ADCY8: variants seen among roughly 807,000 people sequenced by gnomAD.
ADCY8 encodes adenylate cyclase 8, also known as adenylate cyclase type 8.
ADCY8 carries 51 observed loss-of-function variants against 119.7 expected under a neutral mutation model. The observed-to-expected ratio is 0.43, with a 90% CI of 0.34 to 0.54. ADCY8 has a LOEUF of 0.54. Ranked by LOEUF, ADCY8 falls within the 20% of genes least tolerant of loss-of-function variation. The pLI, the probability that ADCY8 is intolerant of heterozygous loss-of-function variation, is 0.03. For synonymous variants in ADCY8, 665 were observed against 651.0 expected (o/e 1.02, Z -0.33); for missense variants, 1,383 against 1,598.8 (o/e 0.87, Z 2.30).
chr8:130,909,210 T>G (rs1214674303), intron 6 of ADCY8, among the ~76,000 whole-genome samples: 1 of 152,230 alleles, frequency 6.6e-6, no homozygotes, highest in Non-Finnish European at 1.5e-5. Flanking sequence ...CACTAGCACC[T>G]TTGGGGATCC....
chr8:130,852,263 T>C (rs1817555897), intron 9 of ADCY8, among the ~76,000 whole-genome samples: 1 of 152,122 alleles, frequency 6.6e-6, no homozygotes, highest in Non-Finnish European at 1.5e-5. Flanking sequence ...GTTTTTTTTG[T>C]TTGTTTTTGA....
chr8:130,890,065 A>G (rs1236260310), intron 7 of ADCY8, among the ~76,000 whole-genome samples: 2 of 152,018 alleles, frequency 1.3e-5, no homozygotes, highest in African/African-American at 2.4e-5. Context: ...CACCTGGTAT[A>G]TCTGCTAGGT....
intron 15 of ADCY8, among the ~76,000 whole-genome samples, chr8:130,788,750 GTATAAT>G (rs1405233545): frequency 1.3e-5 from 2 of 151,784 alleles, no homozygotes; most frequent in South Asian, 2.1e-4. Context: ...TCTATAATAT[GTATAAT>G]TATATTTGTC....
chr8:130,845,587 C>T (rs956844183), intron 11 of ADCY8, among the ~76,000 whole-genome samples: 5 of 152,040 alleles, frequency 3.3e-5, no homozygotes, highest in African/African-American at 1.2e-4. Flanking sequence ...TTCCCTAAGC[C>T]CCTCAAACCA....
intron 15 of ADCY8, among the ~76,000 whole-genome samples, chr8:130,799,983 C>G (rs1815719608): frequency 6.6e-6 from 1 of 152,188 alleles, no homozygotes; most frequent in African/African-American, 2.4e-5. Flanking sequence ...GAGGAAGAAA[C>G]CGCTATCTGT....
chr8:130,986,083 T>C (rs1431542261), intron 2 of ADCY8, among the ~76,000 whole-genome samples: 5 of 152,196 alleles, frequency 3.3e-5, no homozygotes, highest in Non-Finnish European at 5.9e-5. Flanking sequence ...AGCAGAATTA[T>C]GAAAACTACT....
At chr8:130,788,539 G>A (rs1815329220) in intron 15 of ADCY8, among the ~76,000 whole-genome samples, 1 of 152,062 alleles carries the variant, frequency 6.6e-6, no homozygotes, top group African/African-American at 2.4e-5. Flanking sequence ...CAGTTAGATA[G>A]GAGGAATAAG....
At chr8:130,817,576 C>T (rs954968694) in intron 13 of ADCY8, among the ~76,000 whole-genome samples, 5 of 152,158 alleles carry the variant, frequency 3.3e-5, no homozygotes, top group African/African-American at 1.2e-4. Context: ...CAAAAGCCAA[C>T]TTGAATGAAC....
chr8:131,019,819 C>CTG (rs1823598375), intron 1 of ADCY8, among the ~76,000 whole-genome samples: 1 of 124,702 alleles, frequency 8.0e-6, no homozygotes, highest in African/African-American at 3.4e-5. Context: ...CTCTCTCTCT[C>CTG]TCTCTCTCTC....
intron 1 of ADCY8, among the ~76,000 whole-genome samples, chr8:131,007,980 C>A: frequency 6.6e-6 from 1 of 152,172 alleles, no homozygotes; most frequent in South Asian, 2.1e-4. Context: ...ATTAAATTCA[C>A]ATAGTCAGCC....
intron 13 of ADCY8, 40 bp downstream of exon 13, chr8:130,821,302 T>C (rs374458875): frequency 3.2e-5 from 49 of 1,552,276 alleles, no homozygotes; most frequent in Non-Finnish European, 4.2e-5. Context: ...TAACAAGAAA[T>C]GTCAGGTAAC....
Position 131,039,806 on chromosome 8 carries a change from G to A in ADCY8, c.528C>T (p.Gly176=). The change falls in exon 1 of 18, where the codon GGC becomes GGT. Residue 176 remains glycine (G), a synonymous_variant. Coordinates refer to ENST00000286355, the MANE Select transcript of ADCY8 (RefSeq NM_001115.3). ...TCACCACTTCCGATTTGCGCCTTTG[G>A]CCCAAGAAATAGCGCTGGTAGAGGC... The part of the protein sequence containing the change: ...LERLYQRYFL[G]QRRKSEVVMN... 10 of 1,614,206 alleles carry A rather than the reference G, an allele frequency of 6.2e-6. No individual in the cohort carries two copies. The highest frequency in any genetic ancestry group is 8.5e-6 in the Non-Finnish European group (10 of 1,180,038).
intron 12 of ADCY8, among the ~76,000 whole-genome samples, chr8:130,832,478 C>T (rs776318451): frequency 1.2e-4 from 18 of 152,108 alleles, no homozygotes; most frequent in Non-Finnish European, 1.9e-4. Flanking sequence ...ATCCAAACAG[C>T]GTGAGTAGCC....
At chr8:130,853,871 G>T (rs1225901900) in intron 9 of ADCY8, among the ~76,000 whole-genome samples, 1 of 152,134 alleles carries the variant, frequency 6.6e-6, no homozygotes, top group South Asian at 2.1e-4. Flanking sequence ...ATTCCTCTGA[G>T]AATTACTTTT....
At chr8:130,887,039 A>G (rs1461908657) in intron 7 of ADCY8, among the ~76,000 whole-genome samples, 1 of 152,044 alleles carries the variant, frequency 6.6e-6, no homozygotes, top group South Asian at 2.1e-4. Context: ...AGTCCTTTAC[A>G]TTGAATACAT....
intron 1 of ADCY8, among the ~76,000 whole-genome samples, chr8:131,039,052 T>C (rs1055842507): frequency 6.6e-6 from 1 of 151,986 alleles, no homozygotes; most frequent in Non-Finnish European, 1.5e-5. Flanking sequence ...TCCCCTTCTG[T>C]CTCCTGCTCC....
At chr8:130,918,786 G>A (rs1820207732) in intron 5 of ADCY8, among the ~76,000 whole-genome samples, 1 of 152,202 alleles carries the variant, frequency 6.6e-6, no homozygotes, top group Non-Finnish European at 1.5e-5. Context: ...TCCTGGCCGG[G>A]CACGGTGGCT....
intron 11 of ADCY8, 39 bp downstream of exon 11, chr8:130,847,385 A>G (rs1817364052): frequency 1.5e-5 from 22 of 1,461,886 alleles, no homozygotes; most frequent in Non-Finnish European, 1.8e-5. Flanking sequence ...AGATATATCT[A>G]TGTCCAACTC....
intron 2 of ADCY8, among the ~76,000 whole-genome samples, chr8:130,958,555 C>G (rs4736728): frequency 6.6e-6 from 1 of 152,212 alleles, no homozygotes; most frequent in Non-Finnish European, 1.5e-5. Flanking sequence ...CTCACAATCA[C>G]GGCAGAAGAC....
Sources: allele counts gnomAD v4.1 joint callset (sites outside exome capture counted in the v4.1 genomes callset), GRCh38; gene constraint gnomAD v4.1.1; transcripts MANE v1.5; gene names NCBI Gene and HGNC (gene_info 2026-07-23, HGNC 2026-07-21).